The following CYP19A1 variants were observed in gnomAD, a reference collection of about 807,000 sequenced individuals.
CYP19A1 encodes cytochrome P450 family 19 subfamily A member 1.
Under a neutral mutation model 44.4 loss-of-function variants are expected in CYP19A1, and 32 were observed. The ratio of observed to expected loss-of-function variants is 0.72; its 90% CI spans 0.54 to 0.97. The LOEUF is 0.97. Ranked by LOEUF, CYP19A1 falls within the 50% of genes least tolerant of loss-of-function variation. The pLI is 0.00. For synonymous variants in CYP19A1, 212 were observed against 215.6 expected, an observed-to-expected ratio of 0.98 and a Z score of 0.14; for missense variants, 598 against 637.8, an observed-to-expected ratio of 0.94 and a Z score of 0.67.
intron 5 of CYP19A1, among the ~76,000 whole-genome samples, chr15:51,219,157 T>C (rs889080946): frequency 1.3e-5 from 2 of 152,206 alleles, no homozygotes; most frequent in Non-Finnish European, 2.9e-5. Context: ...CTTCTAATCA[T>C]GTTCTCATGG....
At chr15:51,242,643 A>T in intron 2 of CYP19A1, 125 bp downstream of exon 2, 1 of 698,654 alleles carries the variant, frequency 1.4e-6, no homozygotes, top group East Asian at 2.7e-5. Context: ...TTGCTAACAC[A>T]GACATAGTCT....
At chr15:51,222,937 T>C (rs991680127) in intron 4 of CYP19A1, among the ~76,000 whole-genome samples, 3 of 152,182 alleles carry the variant, frequency 2.0e-5, no homozygotes, top group African/African-American at 7.2e-5. Flanking sequence ...ATATTTATTT[T>C]GCGTTTCAAC....
At chr15:51,277,940 C>G (rs2035374727) in intron 1 of CYP19A1, 1 of 143,854 alleles carries the variant, frequency 7.0e-6, no homozygotes, top group African/African-American at 2.6e-5. Context: ...TTGTTCTCTT[C>G]AATAGTTGCA....
At chr15:51,278,350 G>C (rs1240654462) in intron 1 of CYP19A1, among the ~76,000 whole-genome samples, 5 of 152,168 alleles carry the variant, frequency 3.3e-5, no homozygotes, top group Admixed American at 3.3e-4. Flanking sequence ...CTGTGCGTAC[G>C]CTCCTGTGAA....
At chr15:51,316,848 C>G (rs2036435360) in intron 1 of CYP19A1, among the ~76,000 whole-genome samples, 1 of 152,180 alleles carries the variant, frequency 6.6e-6, no homozygotes, top group South Asian at 2.1e-4. Flanking sequence ...AAGCTATAAG[C>G]AAAAGTGTCA....
intron 1 of CYP19A1, among the ~76,000 whole-genome samples, chr15:51,288,561 A>C (rs1218982339): frequency 6.6e-6 from 1 of 152,062 alleles, no homozygotes; most frequent in East Asian, 1.9e-4. Flanking sequence ...ACCCTTTGGC[A>C]TGCTCCTGTG....
At chr15:51,323,445 T>C (rs1237856314) in intron 1 of CYP19A1, among the ~76,000 whole-genome samples, 1 of 151,388 alleles carries the variant, frequency 6.6e-6, no homozygotes, top group Non-Finnish European at 1.5e-5. Context: ...AACTGTTTTA[T>C]GGCATGAAAA....
At chr15:51,252,460 A>T (rs1472013905) in intron 1 of CYP19A1, among the ~76,000 whole-genome samples, 1 of 152,248 alleles carries the variant, frequency 6.6e-6, no homozygotes, top group East Asian at 1.9e-4. Flanking sequence ...ATAAGAGAAT[A>T]CAATTTCTCT....
At chr15:51,313,624 CCATCT>C (rs2036360753) in intron 1 of CYP19A1, among the ~76,000 whole-genome samples, 1 of 152,048 alleles carries the variant, frequency 6.6e-6, no homozygotes, top group South Asian at 2.1e-4. Context: ...TGGTGAAATC[CCATCT>C]CTACTAAAAA....
intron 3 of CYP19A1, 109 bp from the exon 4 acceptor site, chr15:51,228,042 G>T: frequency 1.3e-6 from 1 of 761,862 alleles, no homozygotes; most frequent in Non-Finnish European, 2.4e-6. Context: ...TGCTCCAAAT[G>T]CAATGTGCAT....
chr15:51,330,955 G>A lies in CYP19A1; in HGVS notation c.-39+7540C>T, dbSNP rs1291051567. Among the ~76,000 whole-genome samples the A allele has an allele frequency of 4.6e-5, 7 of 152,250 alleles. No homozygotes were observed. In the East Asian group the frequency reaches 1.4e-3, roughly 29 times the overall value. ...GTGGGAGAAGAAGCTACATGGCCGTGACGTGGCGAATGAATGAGGGATGAG... is the reference window on the plus strand; with the variant it reads ...GTGGGAGAAGAAGCTACATGGCCGTAACGTGGCGAATGAATGAGGGATGAG... On this transcript the variant is annotated intron_variant, in intron 1 of 9. Coordinates refer to ENST00000396402, the MANE Select transcript of CYP19A1 (RefSeq NM_000103.4).
At chr15:51,259,158 A>G (rs2034624829) in intron 1 of CYP19A1, among the ~76,000 whole-genome samples, 1 of 152,192 alleles carries the variant, frequency 6.6e-6, no homozygotes, top group Non-Finnish European at 1.5e-5. Context: ...GCACTGAGAG[A>G]ATTGTGAAGT....
intron 1 of CYP19A1, among the ~76,000 whole-genome samples, chr15:51,268,524 C>CG: frequency 7.1e-6 from 1 of 140,072 alleles, no homozygotes; most frequent in South Asian, 2.5e-4. Flanking sequence ...TTCCTTCCCC[C>CG]CCCCCCTTTT....
At chr15:51,321,233 C>T (rs908262900) in intron 1 of CYP19A1, among the ~76,000 whole-genome samples, 1 of 152,210 alleles carries the variant, frequency 6.6e-6, no homozygotes, top group African/African-American at 2.4e-5. Flanking sequence ...CCATTGCACA[C>T]ATAATTCAGG....
At chr15:51,259,828 C>T (rs896814531) in intron 1 of CYP19A1, among the ~76,000 whole-genome samples, 8 of 152,146 alleles carry the variant, frequency 5.3e-5, no homozygotes, top group African/African-American at 1.7e-4. Flanking sequence ...GAAAAAATTG[C>T]CCCAAATTAC....
intron 1 of CYP19A1, among the ~76,000 whole-genome samples, chr15:51,288,665 A>G (rs2035767859): frequency 6.6e-6 from 1 of 152,192 alleles, no homozygotes; most frequent in Non-Finnish European, 1.5e-5. Flanking sequence ...ATCAGAGTCC[A>G]GATCTGACCT....
chr15:51,220,737 A>C (rs2031998837), intron 5 of CYP19A1, among the ~76,000 whole-genome samples: 1 of 152,178 alleles, frequency 6.6e-6, no homozygotes, highest in Non-Finnish European at 1.5e-5. Flanking sequence ...TATGCTGAGA[A>C]CATTCAAATT....
At chr15:51,284,352 T>G (rs760585962) in intron 1 of CYP19A1, among the ~76,000 whole-genome samples, 5 of 152,206 alleles carry the variant, frequency 3.3e-5, no homozygotes, top group Admixed American at 3.3e-4. Flanking sequence ...ACCCCGACAC[T>G]GGCCCAAACA....
At chr15:51,282,428 C>T (rs1001352973) in intron 1 of CYP19A1, among the ~76,000 whole-genome samples, 1 of 152,204 alleles carries the variant, frequency 6.6e-6, no homozygotes, top group African/African-American at 2.4e-5. Context: ...GAATATGTTC[C>T]ATATGCTTCA....
Sources: gnomAD v4.1 joint callset for allele counts (sites outside exome capture counted in the v4.1 genomes callset) on GRCh38, gnomAD v4.1.1 for gene constraint, MANE v1.5 for transcripts, NCBI Gene and HGNC (gene_info 2026-07-23, HGNC 2026-07-21) for gene names.